Variants in AADACL2 observed in about 807,000 individuals in gnomAD.
AADACL2 encodes arylacetamide deacetylase like 2.
A neutral mutation model predicts 22.3 loss-of-function variants in AADACL2; 23 were observed. The observed-to-expected ratio is 1.03, with a 90% confidence interval of 0.74 to 1.46. The LOEUF is 1.46. AADACL2 is among the 40% of genes most tolerant of loss of function. AADACL2 has a pLI of 0.00. For missense variants in AADACL2, 472 were observed against 482.9 expected (o/e 0.98, Z 0.21); for synonymous variants, 177 against 166.2 (o/e 1.07, Z -0.50).
At chr3:151,741,544 T>C (rs1008325953) in intron 2 of AADACL2, among the ~76,000 whole-genome samples, 2 of 152,174 alleles carry the variant, frequency 1.3e-5, no homozygotes, top group African/African-American at 4.8e-5. Flanking sequence ...ATTTCTTTTA[T>C]GTATTTTTTA....
In AADACL2 at chr3:151,734,110, C is replaced by T. The variant is rs777570196; in HGVS notation, c.75C>T (p.Asp25=). The T allele has an allele frequency of 1.2e-6, 2 of 1,613,580 alleles. No homozygotes were observed. The highest frequency in any genetic ancestry group is 1.3e-5 in the African/African-American group (1 of 74,994). ...FVSHFYTPMP[D]NIEESWKIMA... ...CTCATTTTTACACACCCATGCCAGA[C>T]AACATTGAAGAAAGCTGGAAAATAA... Residue 25 remains aspartate, a synonymous_variant, in exon 1 of 5, where the codon GAC becomes GAT. Transcript: ENST00000356517.
chr3:151,739,951 C>T (rs1295869681), intron 1 of AADACL2, among the ~76,000 whole-genome samples: 1 of 152,276 alleles, frequency 6.6e-6, no homozygotes, highest in East Asian at 1.9e-4. Flanking sequence ...CTGGGATCCT[C>T]GGGAGTGGAA....
At chr3:151,739,547 C>T (rs1195309171) in intron 1 of AADACL2, among the ~76,000 whole-genome samples, 2 of 152,204 alleles carry the variant, frequency 1.3e-5, no homozygotes, top group Admixed American at 6.5e-5. Flanking sequence ...TTCTCCTTCT[C>T]AGGATCAGCT....
intron 3 of AADACL2, among the ~76,000 whole-genome samples, chr3:151,745,041 G>A (rs2107984401): frequency 6.6e-6 from 1 of 152,178 alleles, no homozygotes; most frequent in East Asian, 1.9e-4. Context: ...TATTATCCAT[G>A]ATGAAGTATA....
intron 4 of AADACL2, among the ~76,000 whole-genome samples, chr3:151,747,642 A>C (rs1374266785): frequency 2.2e-4 from 33 of 150,934 alleles, no homozygotes; most frequent in Non-Finnish European, 8.9e-5. Flanking sequence ...GTGTGTGTAG[A>C]TACACACACA....
Position 151,760,839 on chromosome 3 carries a change from G to A in AADACL2, c.*3245G>A, listed in dbSNP as rs1182154012. 6.6e-6 allele frequency: 1 copy of A among 152,076 alleles called. No individual in the cohort carries two copies. The highest frequency in any genetic ancestry group is 1.9e-4 in the East Asian group (1 of 5,170). The allele number at this position is 152,076 out of a possible 1,614,324, so 9.4% of individuals were successfully genotyped here. A position where few individuals can be genotyped will look rare whatever the true frequency, so the allele number is the denominator to read the frequency against. ...ACCATGGTCCCTCTGAAGGCACCAA[G>A]GATGGATCTGTTTCAGGACTCCTGG... On this transcript the variant is annotated 3_prime_UTR_variant, in exon 5 of 5. Transcript: ENST00000356517.
At chr3:151,749,524 C>T (rs530976547) in intron 4 of AADACL2, among the ~76,000 whole-genome samples, 1 of 152,088 alleles carries the variant, frequency 6.6e-6, no homozygotes, top group East Asian at 1.9e-4. Flanking sequence ...CCTCTGTTGC[C>T]CAGGCTGGAG....
At chr3:151,742,255 A>G (rs1438517869) in intron 2 of AADACL2, among the ~76,000 whole-genome samples, 1 of 146,656 alleles carries the variant, frequency 6.8e-6, no homozygotes, top group Non-Finnish European at 1.5e-5. Flanking sequence ...GTTTTTCAAC[A>G]TTTATCCTCA....
At chr3:151,737,067 G>C (rs951838723) in intron 1 of AADACL2, among the ~76,000 whole-genome samples, 21 of 152,144 alleles carry the variant, frequency 1.4e-4, no homozygotes, top group African/African-American at 4.8e-4. Context: ...GTCAATTTCA[G>C]ATCTATTCAG....
At chr3:151,738,830 G>A (rs1713182691) in intron 1 of AADACL2, among the ~76,000 whole-genome samples, 1 of 152,176 alleles carries the variant, frequency 6.6e-6, no homozygotes, top group African/African-American at 2.4e-5. Flanking sequence ...CTTGTGCTGT[G>A]TTTTTCAGCT....
chr3:151,735,138 C>T (rs1713046675), intron 1 of AADACL2, among the ~76,000 whole-genome samples: 1 of 152,160 alleles, frequency 6.6e-6, no homozygotes, highest in Non-Finnish European at 1.5e-5. Flanking sequence ...TAGAGGCTTA[C>T]CTTCTCCATA....
intron 4 of AADACL2, among the ~76,000 whole-genome samples, chr3:151,746,882 T>C (rs144309799): frequency 2.2e-3 from 333 of 150,724 alleles, no homozygotes; most frequent in African/African-American, 8.0e-3. Context: ...GATTAATCTT[T>C]AATTTTTAAC....
chr3:151,754,503 A>G (rs940239603), intron 4 of AADACL2, among the ~76,000 whole-genome samples: 2 of 152,118 alleles, frequency 1.3e-5, no homozygotes, highest in African/African-American at 2.4e-5. Context: ...TGTAAATACC[A>G]TAAGTTTAGG....
chr3:151,740,430 C>G (rs954312764), intron 1 of AADACL2, among the ~76,000 whole-genome samples: 1 of 152,202 alleles, frequency 6.6e-6, no homozygotes, highest in African/African-American at 2.4e-5. Flanking sequence ...CGGAGCTGTT[C>G]CTATTCGGCC....
Position 151,761,092 on chromosome 3 carries a change from G to T in AADACL2, c.*3498G>T, listed in dbSNP as rs1192688049. The T allele has an allele frequency of 2.0e-5, 3 of 147,492 alleles. No homozygotes were observed. Among genetic ancestry groups the T allele is most frequent in the South Asian group, 2.2e-4 (1 of 4,646 alleles). 9.1% of individuals were successfully genotyped at this position (147,492 alleles called of 1,614,324 possible). A position where few individuals can be genotyped will look rare whatever the true frequency, so the allele number is the denominator to read the frequency against. On this transcript the variant is annotated 3_prime_UTR_variant, in exon 5 of 5. Transcript: ENST00000356517. Reference sequence around the variant, plus strand: ...TAGATATGTTTTATATATATGGTGAGATATATATATATTTTTTTATATATG... The same window carrying T: ...TAGATATGTTTTATATATATGGTGATATATATATATATTTTTTTATATATG...
intron 3 of AADACL2, among the ~76,000 whole-genome samples, chr3:151,744,841 T>C (rs1362027524): frequency 6.6e-6 from 1 of 152,140 alleles, no homozygotes; most frequent in African/African-American, 2.4e-5. Context: ...AAAAGCTCTA[T>C]GAATTGACTG....
chr3:151,736,117 C>T (rs1713077335), intron 1 of AADACL2, among the ~76,000 whole-genome samples: 1 of 150,728 alleles, frequency 6.6e-6, no homozygotes, highest in Admixed American at 6.6e-5. Flanking sequence ...ATAAAATGAA[C>T]AATGAAAAAA....
At chr3:151,749,608 G>A (rs550230637) in intron 4 of AADACL2, among the ~76,000 whole-genome samples, 204 of 151,940 alleles carry the variant, frequency 1.3e-3, no homozygotes, top group Non-Finnish European at 2.0e-3. Flanking sequence ...TCAGCCTCCC[G>A]AGTAGCTGGG....
intron 1 of AADACL2, among the ~76,000 whole-genome samples, chr3:151,736,882 T>C (rs1431076461): frequency 6.6e-6 from 1 of 152,156 alleles, no homozygotes; most frequent in Non-Finnish European, 1.5e-5. Flanking sequence ...TGATTAAAGA[T>C]CATTGAGGAA....
Sources: gnomAD v4.1 joint callset for allele counts (sites outside exome capture counted in the v4.1 genomes callset) on GRCh38, gnomAD v4.1.1 for gene constraint, MANE v1.5 for transcripts, NCBI Gene and HGNC (gene_info 2026-07-23, HGNC 2026-07-21) for gene names.